Variants in PCDH15 observed in about 807,000 individuals in gnomAD.
The protein encoded by PCDH15 is protocadherin-15.
A neutral mutation model predicts 178.5 loss-of-function variants in PCDH15; 129 were observed. The ratio of observed to expected loss-of-function variants is 0.72; its 90% CI spans 0.63 to 0.84. PCDH15 has a LOEUF of 0.84. Among genes scored for constraint, PCDH15 ranks in the 40% least tolerant of loss-of-function variants. PCDH15 has a pLI of 0.00. For missense variants in PCDH15, 2,230 were observed against 2,099.9 expected, an observed-to-expected ratio of 1.06 and a Z score of -1.21; for synonymous variants, 800 against 732.0, an observed-to-expected ratio of 1.09 and a Z score of -1.50.
intron 2 of PCDH15, among the ~76,000 whole-genome samples, chr10:55,470,458 T>G (rs1839932650): frequency 6.6e-6 from 1 of 152,196 alleles, no homozygotes. Context: ...TTCCTTCTAT[T>G]TATTTTAAGT....
intron 2 of PCDH15, among the ~76,000 whole-genome samples, chr10:55,062,796 T>C (rs1455995997): frequency 3.9e-5 from 6 of 152,098 alleles, no homozygotes; most frequent in Admixed American, 3.9e-4. Flanking sequence ...ACCACTCTAG[T>C]GGAGGATATT....
intron 21 of PCDH15, among the ~76,000 whole-genome samples, chr10:53,964,378 T>C (rs979592455): frequency 2.5e-5 from 1 of 39,226 alleles, no homozygotes; most frequent in Admixed American, 3.6e-4. Context: ...ATAAAAAAAT[T>C]TATTTATAAA....
At chr10:54,380,505 G>A (rs1383194903) in intron 3 of PCDH15, among the ~76,000 whole-genome samples, 1 of 149,870 alleles carries the variant, frequency 6.7e-6, no homozygotes, top group Non-Finnish European at 1.5e-5. Flanking sequence ...ATATATAATT[G>A]AGAAATTGAA....
intron 17 of PCDH15, among the ~76,000 whole-genome samples, chr10:54,069,634 C>G (rs12247878): frequency 0.21 from 31,853 of 152,052 alleles, 3,554 homozygotes; most frequent in Non-Finnish European, 0.25. Context: ...CAGGGCTATC[C>G]ATTAGGTCTA....
At chr10:54,608,191 G>A (rs1472545431) in intron 2 of PCDH15, among the ~76,000 whole-genome samples, 2 of 151,912 alleles carry the variant, frequency 1.3e-5, no homozygotes, top group East Asian at 1.9e-4. Flanking sequence ...GGAGAGGCCA[G>A]GTGTGGTGGC....
chr10:55,077,102 C>CT (rs34382338), intron 2 of PCDH15, among the ~76,000 whole-genome samples: 47,010 of 146,116 alleles, frequency 0.32, 8,605 homozygotes, highest in African/African-American at 0.51. Context: ...GCTACTACTC[C>CT]TTTTTTTTTT....
chr10:53,813,831 G>A lies in PCDH15; in HGVS notation c.4492-2212C>T, dbSNP rs886101363. Among the ~76,000 whole-genome samples the A allele has an allele frequency of 3.3e-5, 5 of 152,242 alleles. No individual in the cohort carries two copies. In the South Asian group the frequency reaches 6.2e-4, roughly 19 times the overall value. On this transcript the variant is annotated intron_variant, in intron 35 of 37. Coordinates refer to ENST00000644397, the MANE Select transcript of PCDH15 (RefSeq NM_001384140.1). The stretch of plus-strand genomic sequence containing the variant: ...ATTTCAAGAACTGACTAAAGAATAT[G>A]TTACAGGCCAGAAGGAAAACTGATA...
intron 2 of PCDH15, among the ~76,000 whole-genome samples, chr10:55,554,616 G>A (rs1842056072): frequency 6.7e-6 from 1 of 150,194 alleles, no homozygotes; most frequent in African/African-American, 2.5e-5. Flanking sequence ...CCACACATAT[G>A]GGGGGCCAAA....
chr10:55,424,003 A>C (rs1313040020), intron 2 of PCDH15, among the ~76,000 whole-genome samples: 1 of 152,070 alleles, frequency 6.6e-6, no homozygotes, highest in Admixed American at 6.6e-5. Flanking sequence ...GAAATTGAGG[A>C]AGACACACAC....
chr10:54,054,211 A>G (rs1292162974), intron 18 of PCDH15, among the ~76,000 whole-genome samples: 1 of 152,198 alleles, frequency 6.6e-6, no homozygotes, highest in Non-Finnish European at 1.5e-5. Flanking sequence ...TAGAAGGAAA[A>G]TAAGCATCTC....
At chr10:55,577,743 G>A (rs1234066783) in intron 2 of PCDH15, among the ~76,000 whole-genome samples, 1 of 152,084 alleles carries the variant, frequency 6.6e-6, no homozygotes, top group Non-Finnish European at 1.5e-5. Context: ...ATTCACCTTG[G>A]TGATCAATCC....
intron 8 of PCDH15, 68 bp from the exon 9 acceptor site, chr10:54,236,999 T>A: frequency 1.5e-6 from 2 of 1,317,640 alleles, no homozygotes; most frequent in Non-Finnish European, 1.1e-6. Flanking sequence ...TTGAGACAGA[T>A]GCTTTAGTTT....
intron 21 of PCDH15, among the ~76,000 whole-genome samples, chr10:53,970,324 T>C (rs1308039561): frequency 6.6e-6 from 1 of 152,092 alleles, no homozygotes; most frequent in Admixed American, 6.5e-5. Flanking sequence ...CCTAAATATA[T>C]ATGCACCCAA....
chr10:54,536,559 C>G (rs574682324), intron 2 of PCDH15, among the ~76,000 whole-genome samples: 1 of 152,130 alleles, frequency 6.6e-6, no homozygotes, highest in South Asian at 2.1e-4. Context: ...TCTGGGTATA[C>G]TGTAAGGTTT....
At chr10:55,478,009 A>G (rs1175315231) in intron 2 of PCDH15, among the ~76,000 whole-genome samples, 1 of 151,932 alleles carries the variant, frequency 6.6e-6, no homozygotes, top group Admixed American at 6.6e-5. Context: ...ATACAAATGG[A>G]AACCAAAAAG....
intron 2 of PCDH15, among the ~76,000 whole-genome samples, chr10:54,918,427 T>C (rs150968487): frequency 7.4e-4 from 113 of 152,272 alleles, no homozygotes; most frequent in African/African-American, 2.6e-3. Flanking sequence ...TACTGTTCCG[T>C]GGAATTATAG....
chr10:55,438,898 ATATT>A lies in PCDH15; in HGVS notation c.-156+188723_-156+188726del, dbSNP rs1042340047. On this transcript the variant is annotated intron_variant, in intron 2 of 5. Coordinates refer to the PCDH15 transcript ENST00000613346. ...ACTAATTATTATTATTAATTTTATT[ATATT>A]TATTTATTTTTTTTGAGACAGAGTC... 2.5e-4 allele frequency among the ~76,000 whole-genome samples: 37 copies of A among 150,708 alleles called. 1 individual carries two copies. The highest frequency in any genetic ancestry group is 8.0e-4 in the African/African-American group (33 of 41,154).
intron 26 of PCDH15, among the ~76,000 whole-genome samples, chr10:53,873,122 A>T (rs2079990172): frequency 6.6e-6 from 1 of 152,100 alleles, no homozygotes; most frequent in Admixed American, 6.6e-5. Flanking sequence ...CTAGCCCCCA[A>T]ACTTCCATAC....
chr10:54,337,657 G>A (rs1330734133), intron 6 of PCDH15, among the ~76,000 whole-genome samples: 4 of 152,206 alleles, frequency 2.6e-5, no homozygotes, highest in African/African-American at 9.6e-5. Flanking sequence ...CCCTACACTG[G>A]CCCTTTAGCA....
Sources: gnomAD v4.1 joint callset for allele counts (sites outside exome capture counted in the v4.1 genomes callset) on GRCh38, gnomAD v4.1.1 for gene constraint, MANE v1.5 for transcripts, NCBI Gene and HGNC (gene_info 2026-07-23, HGNC 2026-07-21) for gene names.